Variants in DCAF1 observed in about 807,000 individuals in gnomAD.
DCAF1 encodes the protein DDB1 and CUL4 associated factor 1.
In DCAF1, 15 loss-of-function variants were observed where a neutral mutation model predicts 128.0. That is an observed-to-expected ratio of 0.12 (90% confidence interval 0.08 to 0.18). DCAF1 has a LOEUF of 0.18. DCAF1 is among the 10% of genes least tolerant of loss of function. The probability of loss-of-function intolerance (pLI) is 1.00; values close to 1 mark genes in which losing one functional copy is unlikely to be tolerated. For missense variants in DCAF1, 988 were observed against 1,649.5 expected (o/e 0.60, Z 6.95); for synonymous variants, 610 against 603.0 (o/e 1.01, Z -0.17).
In DCAF1 at chr3:51,443,514, C is replaced by T. The variant is rs762608850; in HGVS notation, c.513+252G>A. 3.7e-4 allele frequency among the ~76,000 whole-genome samples: 56 copies of T among 151,388 alleles called. 1 individual carries two copies. The highest frequency in any genetic ancestry group is 8.4e-4 in the South Asian group (4 of 4,788). On this transcript the variant is annotated intron_variant, in intron 7 of 24. Transcript: ENST00000684031. ...CTGAGGCAGGAGAATTGCTTGAACC[C>T]GGGAGGCAGAGGTTGCAATGAGCCA...
chr3:51,484,127 G>A (rs1706620596), intron 2 of DCAF1, among the ~76,000 whole-genome samples: 1 of 152,052 alleles, frequency 6.6e-6, no homozygotes, highest in Admixed American at 6.6e-5. Flanking sequence ...TTAACCTTTT[G>A]AGGAGTCCCT....
chr3:51,461,796 G>A (rs1407540526), intron 6 of DCAF1, among the ~76,000 whole-genome samples: 6 of 152,060 alleles, frequency 3.9e-5, no homozygotes, highest in Admixed American at 3.9e-4. Flanking sequence ...ATCATTCTCA[G>A]CAAACTATCG....
intron 1 of DCAF1, among the ~76,000 whole-genome samples, chr3:51,499,620 C>T (rs1255294456): frequency 2.0e-5 from 3 of 151,722 alleles, no homozygotes; most frequent in Non-Finnish European, 2.9e-5. Flanking sequence ...GAGTTACTCT[C>T]GGGAAGCTTC....
At chr3:51,439,151 CA>C (rs2107660369) in intron 9 of DCAF1, among the ~76,000 whole-genome samples, 1 of 152,028 alleles carries the variant, frequency 6.6e-6, no homozygotes, top group South Asian at 2.1e-4. Context: ...TTGTTTTTTT[CA>C]GAGACAGAGT....
chr3:51,462,006 T>C (rs773459349), intron 6 of DCAF1, among the ~76,000 whole-genome samples: 1 of 151,770 alleles, frequency 6.6e-6, no homozygotes, highest in Non-Finnish European at 1.5e-5. Context: ...GGCACATGTA[T>C]ACATATGTAA....
At chr3:51,405,977 T>C (rs192544288) in intron 23 of DCAF1, among the ~76,000 whole-genome samples, 13 of 151,974 alleles carry the variant, frequency 8.6e-5, no homozygotes, top group Admixed American at 7.9e-4. Flanking sequence ...AAGGCTACAT[T>C]GAACTACGAT....
chr3:51,405,059 A>G (rs1205626964), intron 23 of DCAF1, among the ~76,000 whole-genome samples: 1 of 152,206 alleles, frequency 6.6e-6, no homozygotes, highest in Admixed American at 6.5e-5. Flanking sequence ...CATAGACTTG[A>G]CCAAAATTAG....
At chr3:51,466,716 G>A (rs1177153842) in intron 5 of DCAF1, 87 bp downstream of exon 5, 7 of 1,369,298 alleles carry the variant, frequency 5.1e-6, no homozygotes, top group Non-Finnish European at 7.2e-6. Context: ...CAAGGCCTTA[G>A]GAGAAGGCAA....
chr3:51,469,221 ATTTTTT>A (rs781851604), intron 4 of DCAF1, among the ~76,000 whole-genome samples: 3 of 116,720 alleles, frequency 2.6e-5, no homozygotes, highest in Non-Finnish European at 5.0e-5. Flanking sequence ...CCACACACAA[ATTTTTT>A]TTTTTTTTTT....
At chr3:51,460,664 T>A (rs1703448469) in intron 6 of DCAF1, among the ~76,000 whole-genome samples, 1 of 152,090 alleles carries the variant, frequency 6.6e-6, no homozygotes, top group African/African-American at 2.4e-5. Context: ...CAAACTATAC[T>A]ACAAGGCTAC....
chr3:51,421,066 G>A (rs1415001528), intron 14 of DCAF1, 69 bp from the exon 15 acceptor site: 21 of 1,514,980 alleles, frequency 1.4e-5, no homozygotes, highest in Non-Finnish European at 1.8e-5. Flanking sequence ...TTGTTCCAGA[G>A]TCAAAATTTG....
intron 6 of DCAF1, among the ~76,000 whole-genome samples, chr3:51,449,073 C>T (rs1269272319): frequency 6.6e-6 from 1 of 152,128 alleles, no homozygotes; most frequent in Non-Finnish European, 1.5e-5. Flanking sequence ...GAAAATTAAA[C>T]ATCACTCTTA....
intron 19 of DCAF1, 140 bp from the exon 20 acceptor site, chr3:51,414,183 A>G: frequency 8.5e-7 from 1 of 1,170,208 alleles, no homozygotes; most frequent in Non-Finnish European, 1.2e-6. Flanking sequence ...TAAAACAAAT[A>G]CATGTAGAAT....
intron 17 of DCAF1, 56 bp downstream of exon 17, chr3:51,418,060 G>C (rs1699059423): frequency 7.1e-6 from 11 of 1,554,088 alleles, no homozygotes; most frequent in Admixed American, 2.0e-5. Flanking sequence ...CCAAATGAAG[G>C]GGGGTATAAA....
chr3:51,441,153 C>G, intron 8 of DCAF1, 82 bp from the exon 9 acceptor site: 1 of 1,347,852 alleles, frequency 7.4e-7, no homozygotes, highest in Non-Finnish European at 1.0e-6. Context: ...GGATAGAAGC[C>G]TAAAGAAATG....
At chr3:51,421,041 G>T in intron 14 of DCAF1, 44 bp from the exon 15 acceptor site, 1 of 1,553,310 alleles carries the variant, frequency 6.4e-7, no homozygotes. Context: ...TAAAACTAAT[G>T]GCCAACTTCA....
chr3:51,426,437 G>A (rs1042240882), intron 13 of DCAF1, among the ~76,000 whole-genome samples: 22 of 151,960 alleles, frequency 1.4e-4, no homozygotes, highest in African/African-American at 4.4e-4. Flanking sequence ...CTCAAACTTC[G>A]GACCTCAAGT....
chr3:51,448,065 T>A (rs1553640699), intron 6 of DCAF1, among the ~76,000 whole-genome samples: 1 of 152,226 alleles, frequency 6.6e-6, no homozygotes, highest in Non-Finnish European at 1.5e-5. Flanking sequence ...GCAGGAATGT[T>A]TTTTTACTCT....
intron 6 of DCAF1, among the ~76,000 whole-genome samples, chr3:51,447,487 A>C (rs1347986414): frequency 2.0e-5 from 3 of 152,140 alleles, no homozygotes; most frequent in Admixed American, 2.0e-4. Context: ...ATTTCTACTG[A>C]TATAGAATAT....
Sources: allele counts gnomAD v4.1 joint callset (sites outside exome capture counted in the v4.1 genomes callset), GRCh38; gene constraint gnomAD v4.1.1; transcripts MANE v1.5; gene names NCBI Gene and HGNC (gene_info 2026-07-23, HGNC 2026-07-21).